MTA3: variants seen among roughly 807,000 people sequenced by gnomAD.
MTA3 encodes metastasis associated 1 family member 3.
In MTA3, 34 loss-of-function variants were observed where a neutral mutation model predicts 83.5. The observed-to-expected ratio is 0.41, with a 90% CI of 0.31 to 0.54. The LOEUF (loss-of-function observed/expected upper bound fraction) is 0.54, where lower values mean the gene tolerates loss of function less well. Ranked by LOEUF, MTA3 falls within the 20% of genes least tolerant of loss-of-function variation. MTA3 has a pLI of 0.33. For synonymous variants in MTA3, 303 were observed against 252.7 expected, an observed-to-expected ratio of 1.20 and a Z score of -1.89; for missense variants, 761 against 726.4, an observed-to-expected ratio of 1.05 and a Z score of -0.55.
intron 8 of MTA3, among the ~76,000 whole-genome samples, chr2:42,661,430 G>C (rs1327197846): frequency 1.3e-5 from 2 of 150,932 alleles, no homozygotes; most frequent in Non-Finnish European, 1.5e-5. Flanking sequence ...GAGCCTGGGA[G>C]GAGAGGTTGC....
At position 42,603,970 on chromosome 2, in the gene MTA3, C is replaced by T. The variant is rs778907503; in HGVS notation, c.191-5488C>T. 6.6e-5 allele frequency among the ~76,000 whole-genome samples: 10 copies of T among 152,220 alleles called. No individual in the cohort carries two copies. The South Asian group carries it at 1.9e-3, about 28-fold the overall frequency. ...TTCATTGTGTTAGCCAGGATGGTCT[C>T]GATCTCCTGACCTTGTGATCCGCCT... On this transcript the variant is annotated intron_variant, in intron 3 of 16. Transcript: ENST00000405094.
chr2:42,596,968 G>A (rs1016222209), intron 3 of MTA3, among the ~76,000 whole-genome samples: 94 of 151,714 alleles, frequency 6.2e-4, no homozygotes, highest in Non-Finnish European at 1.5e-4. Flanking sequence ...GCAGTGGTGC[G>A]ATCTTGGCTC....
intron 3 of MTA3, among the ~76,000 whole-genome samples, chr2:42,602,586 T>C (rs764595562): frequency 6.6e-5 from 10 of 152,184 alleles, no homozygotes; most frequent in Non-Finnish European, 1.2e-4. Flanking sequence ...TTAGCTATTA[T>C]GGTACCATAA....
At chr2:42,568,220 G>A (rs1385428622), upstream of MTA3, 1 of 153,058 alleles carries the variant, frequency 6.5e-6, no homozygotes, top group African/African-American at 2.4e-5. Flanking sequence ...GTTCCCCAGG[G>A]ACAGAGGTAG....
At chr2:42,605,668 A>AC (rs749699459) in intron 3 of MTA3, among the ~76,000 whole-genome samples, 10,030 of 71,148 alleles carry the variant, frequency 0.14, 776 homozygotes, top group East Asian at 0.23. Context: ...CGGGGGGCTG[A>AC]CCCCCCCACC....
intron 6 of MTA3, among the ~76,000 whole-genome samples, chr2:42,649,207 C>T (rs932352815): frequency 6.6e-6 from 1 of 152,074 alleles, no homozygotes; most frequent in South Asian, 2.1e-4. Flanking sequence ...CCAGTTTGAC[C>T]AACCACGGTG....
At chr2:42,706,134 G>C (rs989434160) in intron 12 of MTA3, among the ~76,000 whole-genome samples, 4 of 152,140 alleles carry the variant, frequency 2.6e-5, no homozygotes, top group Non-Finnish European at 5.9e-5. Flanking sequence ...GTGGGGTGGG[G>C]GGAGCAGGGA....
intron 16 of MTA3, among the ~76,000 whole-genome samples, chr2:42,738,555 T>C (rs1668772527): frequency 2.0e-5 from 3 of 152,212 alleles, no homozygotes; most frequent in Non-Finnish European, 4.4e-5. Flanking sequence ...GCACAAATTG[T>C]ACAGCATGTG....
upstream of MTA3, among the ~76,000 whole-genome samples, chr2:42,567,233 T>C (rs1430646600): frequency 6.6e-6 from 1 of 152,194 alleles, no homozygotes; most frequent in African/African-American, 2.4e-5. Context: ...AACTGATCCT[T>C]ACCACACCTG....
At chr2:42,613,356 A>G (rs749525077) in intron 4 of MTA3, among the ~76,000 whole-genome samples, 1 of 152,208 alleles carries the variant, frequency 6.6e-6, no homozygotes, top group Non-Finnish European at 1.5e-5. Context: ...GAGGAGGAAT[A>G]GGGCAGAGCC....
At chr2:42,718,757 C>T (rs115614949) in intron 14 of MTA3, among the ~76,000 whole-genome samples, 6,543 of 151,942 alleles carry the variant, frequency 0.043, 196 homozygotes, top group Middle Eastern at 0.11. Flanking sequence ...AGTGAGCCTC[C>T]GTCTCAAAAT....
chr2:42,549,435 A>G (rs1324195558), intron 2 of MTA3, among the ~76,000 whole-genome samples: 1 of 83,226 alleles, frequency 1.2e-5, no homozygotes, highest in Non-Finnish European at 2.1e-5. Context: ...TATATAATAT[A>G]TACGTATACA....
chr2:42,712,832 A>G (rs1304946655), intron 14 of MTA3: 1 of 152,114 alleles, frequency 6.6e-6, no homozygotes, highest in Non-Finnish European at 1.5e-5. Context: ...AAATTAGTGA[A>G]GTGTTCCATA....
chr2:42,752,232 A>G (rs1263361302), intron 16 of MTA3: 5 of 471,332 alleles, frequency 1.1e-5, no homozygotes, highest in Non-Finnish European at 2.2e-5. Context: ...TCCCTATCCT[A>G]GAAAAGCTCA....
At chr2:42,662,458 CT>C (rs1350619782) in intron 8 of MTA3, among the ~76,000 whole-genome samples, 12 of 151,462 alleles carry the variant, frequency 7.9e-5, no homozygotes, top group Non-Finnish European at 1.6e-4. Context: ...TCTAATTTTT[CT>C]CATATATTAA....
chr2:42,643,979 C>T (rs1687931076), intron 5 of MTA3, 148 bp from the exon 6 acceptor site: 1 of 489,010 alleles, frequency 2.0e-6, no homozygotes, highest in South Asian at 4.3e-5. Context: ...ACACCATGCT[C>T]TCCTTAAAGA....
At chr2:42,546,369 A>C (rs1358664900) in intron 2 of MTA3, among the ~76,000 whole-genome samples, 2 of 152,046 alleles carry the variant, frequency 1.3e-5, no homozygotes, top group Non-Finnish European at 1.5e-5. Flanking sequence ...CAGAATTAGG[A>C]TGTCCTTGTC....
At chr2:42,546,546 C>T (rs1219908097) in intron 2 of MTA3, among the ~76,000 whole-genome samples, 1 of 152,130 alleles carries the variant, frequency 6.6e-6, no homozygotes, top group Non-Finnish European at 1.5e-5. Context: ...CTTGCAGTTT[C>T]CTATGTGCAC....
chr2:42,668,137 C>T (rs949091608), intron 8 of MTA3, among the ~76,000 whole-genome samples: 7 of 152,140 alleles, frequency 4.6e-5, no homozygotes, highest in African/African-American at 1.2e-4. Flanking sequence ...GTTGCTGATA[C>T]GTGTAACCAA....
Sources: gnomAD v4.1 joint callset for allele counts (sites outside exome capture counted in the v4.1 genomes callset) on GRCh38, gnomAD v4.1.1 for gene constraint, MANE v1.5 for transcripts, NCBI Gene and HGNC (gene_info 2026-07-23, HGNC 2026-07-21) for gene names.